CTNNBL1: variants seen among roughly 807,000 people sequenced by gnomAD.
CTNNBL1 encodes the protein beta-catenin-like protein 1.
CTNNBL1 carries 31 observed loss-of-function variants against 72.7 expected under a neutral mutation model. The ratio of observed to expected loss-of-function variants is 0.43; its 90% CI spans 0.32 to 0.58. The LOEUF (loss-of-function observed/expected upper bound fraction) is 0.58, where lower values mean the gene tolerates loss of function less well. CTNNBL1 is among the 20% of genes least tolerant of loss of function. The probability of loss-of-function intolerance (pLI) is 0.08; values close to 1 mark genes in which losing one functional copy is unlikely to be tolerated. For missense variants in CTNNBL1, 534 were observed against 725.1 expected, an observed-to-expected ratio of 0.74 and a Z score of 3.03; for synonymous variants, 240 against 267.3, an observed-to-expected ratio of 0.90 and a Z score of 1.00.
At chr20:37,810,791 A>T (rs936684420) in intron 11 of CTNNBL1, among the ~76,000 whole-genome samples, 1 of 152,186 alleles carries the variant, frequency 6.6e-6, no homozygotes, top group Non-Finnish European at 1.5e-5. Flanking sequence ...TGTGATATGG[A>T]TGATGAAGAA....
chr20:37,718,132 C>T (rs867057760), intron 1 of CTNNBL1, among the ~76,000 whole-genome samples: 4 of 152,178 alleles, frequency 2.6e-5, no homozygotes, highest in Admixed American at 2.0e-4. Context: ...GTACACCTCC[C>T]AGATGGGGTG....
intron 11 of CTNNBL1, among the ~76,000 whole-genome samples, chr20:37,814,611 G>A (rs1057151170): frequency 6.6e-6 from 1 of 152,156 alleles, no homozygotes; most frequent in Admixed American, 6.6e-5. Context: ...TACCTTGACT[G>A]ATCAATATCA....
intron 4 of CTNNBL1, chr20:37,751,242 T>C (rs1014054470): frequency 1.3e-5 from 2 of 152,098 alleles, no homozygotes; most frequent in African/African-American, 4.8e-5. Flanking sequence ...CTAAACCCAA[T>C]TTATTCAAAG....
intron 11 of CTNNBL1, among the ~76,000 whole-genome samples, chr20:37,809,395 T>G (rs1038672105): frequency 2.0e-5 from 3 of 152,200 alleles, no homozygotes; most frequent in Non-Finnish European, 4.4e-5. Context: ...ATTCAGCATC[T>G]GTAGGAGAGT....
intron 15 of CTNNBL1, among the ~76,000 whole-genome samples, chr20:37,870,924 C>T (rs2072578510): frequency 6.6e-6 from 1 of 152,200 alleles, no homozygotes; most frequent in African/African-American, 2.4e-5. Context: ...TTTCCACACT[C>T]ATCTCCTTCT....
At chr20:37,864,783 G>T (rs1456510037) in intron 15 of CTNNBL1, among the ~76,000 whole-genome samples, 2 of 151,948 alleles carry the variant, frequency 1.3e-5, no homozygotes, top group South Asian at 2.1e-4. Context: ...GAGAGGAGGA[G>T]TCAGTTACTG....
rs6126202 is a variant in CTNNBL1 at position 37,812,520 on chromosome 20, G to A, written c.1213+9472G>A. 3.9e-4 allele frequency among the ~76,000 whole-genome samples: 60 copies of A among 152,252 alleles called. No homozygotes were observed. The East Asian group carries it at 9.6e-3, about 24-fold the overall frequency. On this transcript the variant is annotated intron_variant, in intron 11 of 15. Coordinates refer to ENST00000361383, the MANE Select transcript of CTNNBL1 (RefSeq NM_030877.5). ...TACTAGCACTTTTCAAATTCATTAC[G>A]TCTTCAAATAGGTACCAGACTCTTC...
intron 5 of CTNNBL1, among the ~76,000 whole-genome samples, chr20:37,762,125 G>A (rs1320032078): frequency 6.6e-6 from 1 of 152,188 alleles, no homozygotes; most frequent in African/African-American, 2.4e-5. Context: ...ATGGACTGGA[G>A]GGGCAAGAAT....
intron 15 of CTNNBL1, among the ~76,000 whole-genome samples, chr20:37,866,924 T>A (rs1004712850): frequency 6.6e-6 from 1 of 152,144 alleles, no homozygotes; most frequent in African/African-American, 2.4e-5. Context: ...CAGGCTCGAC[T>A]TCCCCGGGGC....
intron 11 of CTNNBL1, among the ~76,000 whole-genome samples, chr20:37,832,710 C>G (rs187307839): frequency 6.6e-6 from 1 of 152,234 alleles, no homozygotes; most frequent in East Asian, 1.9e-4. Flanking sequence ...TACTCATAAG[C>G]AGGCCCATCT....
At chr20:37,761,670 G>T (rs2073418877) in intron 5 of CTNNBL1, among the ~76,000 whole-genome samples, 1 of 152,238 alleles carries the variant, frequency 6.6e-6, no homozygotes, top group Admixed American at 6.5e-5. Flanking sequence ...AGCTCACAAG[G>T]TATGAGTGTA....
At chr20:37,810,293 A>T (rs1198443340) in intron 11 of CTNNBL1, among the ~76,000 whole-genome samples, 1 of 152,196 alleles carries the variant, frequency 6.6e-6, no homozygotes, top group African/African-American at 2.4e-5. Context: ...AAGGGAAGAG[A>T]TCGTGTGCAG....
chr20:37,761,978 G>A (rs771499542), intron 5 of CTNNBL1, among the ~76,000 whole-genome samples: 61 of 152,226 alleles, frequency 4.0e-4, no homozygotes, highest in Non-Finnish European at 1.0e-4. Context: ...GCCAGACCAC[G>A]CTGGGCTCTG....
Position 37,696,205 on chromosome 20 carries a change from C to T in CTNNBL1, c.30+2053C>T, listed in dbSNP as rs6122873. Among the ~76,000 whole-genome samples, 428 of 152,224 alleles carry T rather than the reference C, an allele frequency of 2.8e-3. 5 individuals are homozygous for T. Among genetic ancestry groups the T allele is most frequent in the East Asian group, 0.017 (88 of 5,180 alleles). On this transcript the variant is annotated intron_variant, in intron 1 of 15. Transcript: ENST00000361383. Reference sequence around the variant, plus strand: ...CAAGATTCTTGCTTTTGTGGAGCATCTGGTGGGAAGTTACAAGATAATAAG... The same window carrying T: ...CAAGATTCTTGCTTTTGTGGAGCATTTGGTGGGAAGTTACAAGATAATAAG...
chr20:37,756,398 G>GC (rs2073363296), intron 4 of CTNNBL1: 2 of 148,614 alleles, frequency 1.3e-5, no homozygotes, highest in Non-Finnish European at 3.0e-5. Flanking sequence ...CAAGGTGTCT[G>GC]TTTCTCTCTC....
At chr20:37,706,619 T>C (rs1025012562) in intron 1 of CTNNBL1, among the ~76,000 whole-genome samples, 3 of 152,226 alleles carry the variant, frequency 2.0e-5, no homozygotes, top group African/African-American at 7.2e-5. Flanking sequence ...GTTCTTCCAC[T>C]GAAATCTTGA....
chr20:37,799,557 A>G (rs555403081), intron 10 of CTNNBL1, among the ~76,000 whole-genome samples: 2 of 152,244 alleles, frequency 1.3e-5, no homozygotes, highest in African/African-American at 4.8e-5. Flanking sequence ...TGACACCTTC[A>G]CTGACTTCTC....
intron 13 of CTNNBL1, among the ~76,000 whole-genome samples, chr20:37,858,472 G>T (rs2072462099): frequency 6.6e-6 from 1 of 152,206 alleles, no homozygotes; most frequent in Non-Finnish European, 1.5e-5. Flanking sequence ...CTTTGTTATG[G>T]ACATAGCTGA....
chr20:37,825,313 G>A (rs1007214417), intron 11 of CTNNBL1, among the ~76,000 whole-genome samples: 1 of 151,972 alleles, frequency 6.6e-6, no homozygotes, highest in Non-Finnish European at 1.5e-5. Flanking sequence ...AGATTGCATC[G>A]CTGTACTCCA....
Sources: gnomAD v4.1 joint callset for allele counts (sites outside exome capture counted in the v4.1 genomes callset) on GRCh38, gnomAD v4.1.1 for gene constraint, MANE v1.5 for transcripts, NCBI Gene and HGNC (gene_info 2026-07-23, HGNC 2026-07-21) for gene names.